Variants in SLC38A8 observed in about 807,000 individuals in gnomAD.
SLC38A8 encodes the protein solute carrier family 38 member 8.
Under a neutral mutation model 46.0 loss-of-function variants are expected in SLC38A8, and 65 were observed. The observed-to-expected ratio is 1.41, with a 90% CI of 1.16 to 1.74. The LOEUF (loss-of-function observed/expected upper bound fraction) is 1.74, where lower values mean the gene tolerates loss of function less well. Ranked by LOEUF, SLC38A8 falls within the 40% of genes most tolerant of loss-of-function variation. The pLI is 0.00. For missense variants in SLC38A8, 998 were observed against 567.9 expected, an observed-to-expected ratio of 1.76 and a Z score of -7.70; for synonymous variants, 447 against 243.7, an observed-to-expected ratio of 1.83 and a Z score of -7.77.
chr16:84,023,505 G>T (rs1259252139), intron 6 of SLC38A8, among the ~76,000 whole-genome samples: 1 of 151,926 alleles, frequency 6.6e-6, no homozygotes, highest in East Asian at 1.9e-4. Flanking sequence ...TAAGTAAATG[G>T]CAGGATACTA....
chr16:84,016,038 A>C (rs964848228), intron 9 of SLC38A8, among the ~76,000 whole-genome samples: 2 of 150,466 alleles, frequency 1.3e-5, no homozygotes, highest in Admixed American at 1.3e-4. Context: ...CACATGGCTG[A>C]GGAGGCCTCA....
chr16:84,032,991 T>A (rs1467757245), intron 4 of SLC38A8, among the ~76,000 whole-genome samples: 5 of 80,832 alleles, frequency 6.2e-5, no homozygotes. Flanking sequence ...GGTAGGTGGG[T>A]GTGCATGGGG....
rs1055796894 is a variant in SLC38A8, at chr16:84,033,450, A to C, written c.408T>G (p.Ser136=). The stretch of plus-strand genomic sequence containing the variant: ...ACGGCTGCGGGGCGGGCGGGGTGCC[A>C]GACAGGAGGGAGTCACACACTGCCA... ...QLEKLCDSLL[S]GTPPAPQPWY... Residue 136 remains serine, a synonymous_variant, in exon 4 of 11, where the codon TCT becomes TCG. Transcript: ENST00000299709. The C allele has an allele frequency of 2.9e-5, 47 of 1,608,612 alleles. No homozygotes were observed. Among genetic ancestry groups the C allele is most frequent in the African/African-American group, 6.7e-5 (5 of 74,846 alleles).
intron 9 of SLC38A8, among the ~76,000 whole-genome samples, chr16:84,015,359 C>T (rs1328409740): frequency 6.6e-6 from 1 of 152,048 alleles, no homozygotes; most frequent in Non-Finnish European, 1.5e-5. Flanking sequence ...GGAAGGTTTC[C>T]TAAGAAACCA....
At chr16:84,020,139 T>C (rs2085078270) in intron 7 of SLC38A8, among the ~76,000 whole-genome samples, 1 of 118,634 alleles carries the variant, frequency 8.4e-6, no homozygotes, top group Non-Finnish European at 1.7e-5. Flanking sequence ...ACAACATCCG[T>C]TGTTTTTTTT....
intron 10 of SLC38A8, among the ~76,000 whole-genome samples, chr16:84,010,869 C>A (rs1457550314): frequency 6.6e-6 from 1 of 152,146 alleles, no homozygotes; most frequent in Admixed American, 6.5e-5. Context: ...AGCTCTAAGT[C>A]ACACACGATC....
chr16:84,010,991 G>A (rs1246282231), intron 10 of SLC38A8, among the ~76,000 whole-genome samples: 3 of 152,182 alleles, frequency 2.0e-5, no homozygotes, highest in East Asian at 3.9e-4. Context: ...AGACAAGGAG[G>A]TCAGAGCGAT....
intron 9 of SLC38A8, among the ~76,000 whole-genome samples, chr16:84,015,360 T>G (rs1286308018): frequency 1.3e-5 from 2 of 152,016 alleles, no homozygotes; most frequent in Admixed American, 6.6e-5. Flanking sequence ...GAAGGTTTCC[T>G]AAGAAACCAT....
At chr16:84,030,618 G>T (rs750439907) in intron 5 of SLC38A8, among the ~76,000 whole-genome samples, 1 of 152,050 alleles carries the variant, frequency 6.6e-6, no homozygotes, top group Non-Finnish European at 1.5e-5. Flanking sequence ...TCTAATCCAG[G>T]AAACAGCATC....
intron 7 of SLC38A8, among the ~76,000 whole-genome samples, chr16:84,019,099 G>C (rs1463547968): frequency 6.8e-6 from 1 of 146,360 alleles, no homozygotes; most frequent in Non-Finnish European, 1.5e-5. Context: ...TTTTTTTTTT[G>C]AGATGGAGTC....
chr16:84,027,743 G>A (rs531579824), intron 6 of SLC38A8, among the ~76,000 whole-genome samples: 99 of 152,256 alleles, frequency 6.5e-4, no homozygotes, highest in African/African-American at 2.4e-3. Flanking sequence ...CCCTGGAAAC[G>A]CAGCCCAGGC....
intron 6 of SLC38A8, among the ~76,000 whole-genome samples, chr16:84,025,982 T>C (rs140193036): frequency 5.5e-4 from 84 of 152,348 alleles, no homozygotes; most frequent in African/African-American, 2.0e-3. Flanking sequence ...GTCAGCCCTG[T>C]GGTCCTAGAG....
intron 7 of SLC38A8, among the ~76,000 whole-genome samples, chr16:84,019,899 T>A (rs999128339): frequency 2.6e-5 from 4 of 152,258 alleles, no homozygotes. Context: ...TTTGACACCA[T>A]GTGCCACCCC....
intron 9 of SLC38A8, 28 bp downstream of exon 9, chr16:84,016,491 C>A (rs747904956): frequency 1.2e-6 from 2 of 1,607,894 alleles, no homozygotes; most frequent in South Asian, 1.1e-5. Flanking sequence ...AACAAGTGGG[C>A]AGAAAGCCTG....
chr16:84,025,382 C>T (rs942753625), intron 6 of SLC38A8, among the ~76,000 whole-genome samples: 6 of 152,294 alleles, frequency 3.9e-5, no homozygotes, highest in Middle Eastern at 3.4e-3. Flanking sequence ...GGATTTTCTC[C>T]GAGTCCAGCC....
intron 3 of SLC38A8, among the ~76,000 whole-genome samples, chr16:84,035,108 C>T (rs931977469): frequency 6.6e-5 from 10 of 152,216 alleles, no homozygotes; most frequent in South Asian, 2.1e-4. Flanking sequence ...TGGGGTGGCC[C>T]GTATCCTCAT....
chr16:84,018,411 G>C (rs887408818), intron 7 of SLC38A8, among the ~76,000 whole-genome samples: 7 of 151,872 alleles, frequency 4.6e-5, no homozygotes, highest in Admixed American at 4.6e-4. Context: ...AGTAAAGACA[G>C]GGTTTCACCG....
chr16:84,023,569 G>A (rs1357921442), intron 6 of SLC38A8, among the ~76,000 whole-genome samples: 4 of 152,016 alleles, frequency 2.6e-5, no homozygotes, highest in South Asian at 2.1e-4. Context: ...CAACACAGAC[G>A]AATCTCAGTC....
At chr16:84,017,830 G>C (rs1490916638) in intron 7 of SLC38A8, among the ~76,000 whole-genome samples, 1 of 152,142 alleles carries the variant, frequency 6.6e-6, no homozygotes, top group African/African-American at 2.4e-5. Context: ...AGGTCTCTAA[G>C]AGCCATGTTC....
Sources: gnomAD v4.1 joint callset for allele counts (sites outside exome capture counted in the v4.1 genomes callset) on GRCh38, gnomAD v4.1.1 for gene constraint, MANE v1.5 for transcripts, NCBI Gene and HGNC (gene_info 2026-07-23, HGNC 2026-07-21) for gene names.